The following GMPR variants were observed in gnomAD, a reference collection of about 807,000 sequenced individuals.
GMPR encodes GMP reductase 1.
Under a neutral mutation model 38.4 loss-of-function variants are expected in GMPR, and 31 were observed. The observed-to-expected ratio is 0.81, with a 90% CI of 0.61 to 1.09. The LOEUF (loss-of-function observed/expected upper bound fraction) is 1.09, where lower values mean the gene tolerates loss of function less well. GMPR is among the 50% of genes least tolerant of loss of function. The pLI is 0.00. For missense variants in GMPR, 468 were observed against 453.7 expected (o/e 1.03, Z -0.29); for synonymous variants, 162 against 173.3 (o/e 0.93, Z 0.51).
At chr6:16,271,165 A>G (rs1254457407) in intron 4 of GMPR, among the ~76,000 whole-genome samples, 1 of 152,172 alleles carries the variant, frequency 6.6e-6, no homozygotes, top group African/African-American at 2.4e-5. Flanking sequence ...AGGTGGCGCC[A>G]GATTGGGGAA....
chr6:16,292,787 A>AGC (rs1759864674), intron 8 of GMPR, among the ~76,000 whole-genome samples: 1 of 152,216 alleles, frequency 6.6e-6, no homozygotes, highest in African/African-American at 2.4e-5. Flanking sequence ...AGAAGACCAG[A>AGC]GCAGGCTATG....
chr6:16,289,014 G>A (rs1311357178), intron 7 of GMPR, among the ~76,000 whole-genome samples: 1 of 152,178 alleles, frequency 6.6e-6, no homozygotes, highest in Admixed American at 6.5e-5. Context: ...GAGAATAAAA[G>A]CAGGCTGCCG....
chr6:16,271,844 A>G (rs990075646), intron 4 of GMPR, among the ~76,000 whole-genome samples: 3 of 152,216 alleles, frequency 2.0e-5, no homozygotes, highest in East Asian at 3.9e-4. Context: ...ACTTTTTTTA[A>G]TAACAAAATT....
chr6:16,244,414 C>T (rs1367482777), intron 1 of GMPR, among the ~76,000 whole-genome samples: 1 of 151,932 alleles, frequency 6.6e-6, no homozygotes, highest in Non-Finnish European at 1.5e-5. Flanking sequence ...GGGGTTTCAC[C>T]GTGTTGCCCA....
intron 4 of GMPR, among the ~76,000 whole-genome samples, chr6:16,265,008 G>A (rs72833482): frequency 0.045 from 6,901 of 152,244 alleles, 307 homozygotes; most frequent in East Asian, 0.13. Flanking sequence ...AGTATACCAA[G>A]TCCTGTGGCC....
intron 4 of GMPR, 128 bp from the exon 5 acceptor site, chr6:16,274,287 T>C: frequency 1.5e-6 from 1 of 657,880 alleles, no homozygotes. Context: ...AATTCTGTGT[T>C]CCTTTTTTGT....
chr6:16,257,318 G>C (rs949917444), intron 4 of GMPR, among the ~76,000 whole-genome samples: 55 of 152,136 alleles, frequency 3.6e-4, no homozygotes, highest in Non-Finnish European at 8.8e-5. Context: ...TCATCAGGCT[G>C]TTCATCTGTA....
intron 7 of GMPR, among the ~76,000 whole-genome samples, chr6:16,289,729 A>G (rs1759795962): frequency 6.6e-6 from 1 of 151,116 alleles, no homozygotes; most frequent in Non-Finnish European, 1.5e-5. Context: ...ATGTATAAGC[A>G]CAGGGAGTGT....
chr6:16,255,894 T>C (rs1179335727), intron 4 of GMPR, among the ~76,000 whole-genome samples: 1 of 152,144 alleles, frequency 6.6e-6, no homozygotes, highest in African/African-American at 2.4e-5. Flanking sequence ...GATTTTTATG[T>C]TTTTCAAACA....
At chr6:16,292,979 T>G (rs967762705) in intron 8 of GMPR, among the ~76,000 whole-genome samples, 3 of 152,192 alleles carry the variant, frequency 2.0e-5, no homozygotes, top group African/African-American at 7.2e-5. Flanking sequence ...GGCTTCAGCC[T>G]GAGCCTTGCG....
At chr6:16,266,180 TTGCC>T (rs1366661952) in intron 4 of GMPR, among the ~76,000 whole-genome samples, 76 of 84,342 alleles carry the variant, frequency 9.0e-4, no homozygotes, top group Middle Eastern at 5.0e-3. Context: ...GCTGTAACAC[TTGCC>T]ATCTTTAAGA....
At chr6:16,253,529 C>T (rs1017012813) in intron 3 of GMPR, among the ~76,000 whole-genome samples, 43 of 152,026 alleles carry the variant, frequency 2.8e-4, no homozygotes, top group African/African-American at 9.9e-4. Context: ...GAACTCAGAC[C>T]GAGAGATCAC....
At chr6:16,246,674 G>C (rs2274152) in intron 1 of GMPR, among the ~76,000 whole-genome samples, 168 bp from the exon 2 acceptor site, 18,380 of 152,178 alleles carry the variant, frequency 0.12, 1,511 homozygotes, top group African/African-American at 0.24. Context: ...TCTTGACGGC[G>C]GAATTTCCGC....
At chr6:16,269,566 C>T (rs1031667612) in intron 4 of GMPR, among the ~76,000 whole-genome samples, 6 of 152,170 alleles carry the variant, frequency 3.9e-5, no homozygotes, top group Non-Finnish European at 5.9e-5. Flanking sequence ...GAGGCCAAGA[C>T]AGGCAGATTG....
chr6:16,288,897 G>A (rs1454529217), intron 7 of GMPR, among the ~76,000 whole-genome samples: 1 of 152,164 alleles, frequency 6.6e-6, no homozygotes, highest in African/African-American at 2.4e-5. Context: ...GTGGGGACGT[G>A]GAGAACCTTT....
chr6:16,272,104 A>G (rs954738348), intron 4 of GMPR, among the ~76,000 whole-genome samples: 2 of 151,966 alleles, frequency 1.3e-5, no homozygotes, highest in African/African-American at 4.8e-5. Context: ...ACCAGCTACT[A>G]GGGAGGCTGA....
intron 2 of GMPR, among the ~76,000 whole-genome samples, chr6:16,247,930 A>T (rs1305476675): frequency 6.6e-6 from 1 of 152,162 alleles, no homozygotes; most frequent in Non-Finnish European, 1.5e-5. Flanking sequence ...TAAAGAGGGT[A>T]GCTAATATCC....
At chr6:16,265,122 A>G (rs1361416015) in intron 4 of GMPR, among the ~76,000 whole-genome samples, 3 of 151,992 alleles carry the variant, frequency 2.0e-5, no homozygotes, top group Non-Finnish European at 4.4e-5. Flanking sequence ...CTTCTTTGTT[A>G]AAAAAAAGTT....
chr6:16,275,783 T>G (rs1400557927), intron 5 of GMPR, among the ~76,000 whole-genome samples: 2 of 152,196 alleles, frequency 1.3e-5, no homozygotes, highest in Non-Finnish European at 2.9e-5. Context: ...ATGGGCCTGA[T>G]GTGGTGGCTC....
Sources: gnomAD v4.1 joint callset for allele counts (sites outside exome capture counted in the v4.1 genomes callset) on GRCh38, gnomAD v4.1.1 for gene constraint, MANE v1.5 for transcripts, NCBI Gene and HGNC (gene_info 2026-07-23, HGNC 2026-07-21) for gene names.